RYR2: variants seen among roughly 807,000 people sequenced by gnomAD.
RYR2 encodes the protein cardiac muscle ryanodine receptor-calcium release channel.
A neutral mutation model predicts 601.1 loss-of-function variants in RYR2; 227 were observed. The ratio of observed to expected loss-of-function variants is 0.38; its 90% CI spans 0.34 to 0.42. RYR2 has a LOEUF of 0.42. RYR2 is among the 10% of genes least tolerant of loss of function. The pLI is 1.00. For missense variants in RYR2, 4,646 were observed against 6,156.5 expected (o/e 0.75, Z 8.21); for synonymous variants, 2,223 against 2,175.1 (o/e 1.02, Z -0.61).
intron 16 of RYR2, among the ~76,000 whole-genome samples, chr1:237,467,858 CTTTTTT>C (rs199646421): frequency 8.1e-6 from 1 of 123,622 alleles, no homozygotes; most frequent in African/African-American, 3.0e-5. Context: ...ATTTTCTCTG[CTTTTTT>C]TTTTTTTTTT....
intron 1 of RYR2, among the ~76,000 whole-genome samples, chr1:237,059,067 C>T (rs777979160): frequency 5.3e-5 from 8 of 151,996 alleles, no homozygotes; most frequent in South Asian, 2.1e-4. Context: ...AGGACCTGAA[C>T]GTCAGTAGAG....
intron 1 of RYR2, among the ~76,000 whole-genome samples, chr1:237,232,845 G>T (rs1558468724): frequency 6.6e-6 from 1 of 152,128 alleles, no homozygotes; most frequent in African/African-American, 2.4e-5. Context: ...TCACATATTT[G>T]GTCACAGAAG....
At chr1:237,109,709 G>A (rs1252922466) in intron 1 of RYR2, among the ~76,000 whole-genome samples, 6 of 123,840 alleles carry the variant, frequency 4.8e-5, no homozygotes, top group Non-Finnish European at 1.0e-4. Context: ...GCGACAGAGC[G>A]AGACTCCGTC....
intron 34 of RYR2, among the ~76,000 whole-genome samples, chr1:237,597,128 T>C (rs1445432647): frequency 1.3e-5 from 2 of 152,180 alleles, no homozygotes; most frequent in Admixed American, 1.3e-4. Flanking sequence ...GAAATGGTGC[T>C]ATGCCAAATC....
chr1:237,741,727 G>A (rs1204945594), intron 79 of RYR2, among the ~76,000 whole-genome samples: 1 of 151,914 alleles, frequency 6.6e-6, no homozygotes, highest in Non-Finnish European at 1.5e-5. Flanking sequence ...TCAGCCTCCC[G>A]AGTAGCTGGC....
chr1:237,433,374 G>A (rs1707027179), intron 12 of RYR2, among the ~76,000 whole-genome samples: 1 of 151,934 alleles, frequency 6.6e-6, no homozygotes, highest in South Asian at 2.1e-4. Flanking sequence ...ATCTTGTTTT[G>A]ATTGGAAGCC....
chr1:237,446,546 A>T (rs2998403), intron 14 of RYR2, among the ~76,000 whole-genome samples: 11,259 of 151,054 alleles, frequency 0.075, 1,059 homozygotes, highest in African/African-American at 0.22. Flanking sequence ...GAATTGGTAA[A>T]TTTTTTTTTT....
At chr1:237,302,002 T>G (rs1048080266) in intron 2 of RYR2, among the ~76,000 whole-genome samples, 2 of 152,216 alleles carry the variant, frequency 1.3e-5, no homozygotes, top group African/African-American at 2.4e-5. Context: ...TGTTATCAAA[T>G]TATTTGACAC....
intron 58 of RYR2, among the ~76,000 whole-genome samples, chr1:237,669,091 C>T (rs1397971707): frequency 6.8e-6 from 1 of 147,976 alleles, no homozygotes; most frequent in Non-Finnish European, 1.5e-5. Context: ...AACGAGCATG[C>T]TGCCTTCAAG....
intron 12 of RYR2, among the ~76,000 whole-genome samples, chr1:237,426,926 G>A (rs1706222493): frequency 2.0e-5 from 3 of 152,078 alleles, no homozygotes; most frequent in South Asian, 2.1e-4. Context: ...TACATCTAAC[G>A]AAAATTGGAG....
chr1:237,739,317 A>G (rs1691412419), intron 79 of RYR2, among the ~76,000 whole-genome samples: 1 of 152,224 alleles, frequency 6.6e-6, no homozygotes, highest in Non-Finnish European at 1.5e-5. Context: ...GGAGAACTTC[A>G]GTGCATCCCA....
At chr1:237,066,586 T>C (rs201951321) in intron 1 of RYR2, among the ~76,000 whole-genome samples, 2 of 145,126 alleles carry the variant, frequency 1.4e-5, no homozygotes, top group Non-Finnish European at 3.0e-5. Context: ...TGCTTTTCCC[T>C]AATGGTTAGT....
At position 237,425,526 on chromosome 1, in the gene RYR2, C is replaced by T. The variant is rs574768451; in HGVS notation, c.1005+2278C>T. 4.0e-5 allele frequency among the ~76,000 whole-genome samples: 6 copies of T among 151,866 alleles called. No individual in the cohort carries two copies. The East Asian group carries it at 5.8e-4, about 15-fold the overall frequency. Reference sequence around the variant, plus strand: ...ACATGTGCCTGCAGTCCCAGCTACTCGGGAAGCTGAGGCAGGAGAATCGCT... The same window carrying T: ...ACATGTGCCTGCAGTCCCAGCTACTTGGGAAGCTGAGGCAGGAGAATCGCT... On this transcript the variant is annotated intron_variant, in intron 12 of 104. Coordinates refer to ENST00000366574, the MANE Select transcript of RYR2 (RefSeq NM_001035.3).
chr1:237,757,616 A>G (rs1452605641), intron 81 of RYR2, 81 bp from the exon 82 acceptor site: 2 of 901,680 alleles, frequency 2.2e-6, no homozygotes, highest in African/African-American at 1.6e-5. Flanking sequence ...TAATAATTTT[A>G]AAAGTGCAGC....
At chr1:237,046,998 G>A (rs564549740) in intron 1 of RYR2, among the ~76,000 whole-genome samples, 3 of 152,150 alleles carry the variant, frequency 2.0e-5, no homozygotes. Context: ...CAAAACATTA[G>A]GGTAGGAAGA....
intron 1 of RYR2, among the ~76,000 whole-genome samples, chr1:237,129,550 C>G (rs1378210637): frequency 6.6e-6 from 1 of 151,978 alleles, no homozygotes; most frequent in East Asian, 1.9e-4. Flanking sequence ...TGCAGGAATG[C>G]AGATCTCTCT....
At chr1:237,131,829 T>G (rs535854638) in intron 1 of RYR2, among the ~76,000 whole-genome samples, 5 of 151,978 alleles carry the variant, frequency 3.3e-5, no homozygotes, top group Non-Finnish European at 5.9e-5. Flanking sequence ...CAAGTGATCC[T>G]CCCACCTCAG....
chr1:237,270,547 G>C lies in RYR2; in HGVS notation c.99G>C (p.Gln33His). 1 of 1,598,880 alleles carries C rather than the reference G, an allele frequency of 6.3e-7. No homozygotes were observed. The highest frequency in any genetic ancestry group is 8.5e-7 in the Non-Finnish European group (1 of 1,172,428). ...CCGCAACCATCCACAAAGAACAACA[G>C]AAGCTATGCTTGGCAGCAGAAGGAT... is the stretch of plus-strand genomic sequence containing the variant. ...QCTATIHKEQ[Q>H]KLCLAAEGFG... The change falls in exon 2 of 105, where the codon CAG (glutamine) becomes CAC (histidine). Residue 33 changes from glutamine to histidine, a missense_variant. Around this residue, in one of 17 missense-constraint regions of RYR2, gnomAD observed 153 missense variants for 203.6 expected, o/e 0.75. Coordinates refer to ENST00000366574, the MANE Select transcript of RYR2 (RefSeq NM_001035.3).
chr1:237,362,842 C>A (rs1699890469), intron 4 of RYR2, among the ~76,000 whole-genome samples: 2 of 152,134 alleles, frequency 1.3e-5, no homozygotes, highest in Admixed American at 6.6e-5. Context: ...GATATTTCAG[C>A]ATTTGCTATT....
Sources: gnomAD v4.1 joint callset for allele counts (sites outside exome capture counted in the v4.1 genomes callset) on GRCh38, gnomAD v4.1.1 for gene constraint, gnomAD v4.1.1 regional missense constraint, MANE v1.5 for transcripts, NCBI Gene and HGNC (gene_info 2026-07-23, HGNC 2026-07-21) for gene names.